TSPEAR: variants seen among roughly 807,000 people sequenced by gnomAD.
TSPEAR encodes the protein thrombospondin type laminin G domain and EAR repeats, also known as thrombospondin-type laminin G domain and EAR repeat-containing protein.
A neutral mutation model predicts 71.6 loss-of-function variants in TSPEAR; 69 were observed. That is an observed-to-expected ratio of 0.96 (90% CI 0.79 to 1.18). The LOEUF is 1.18. TSPEAR is among the 50% of genes most tolerant of loss of function. The probability of loss-of-function intolerance (pLI) is 0.00; values close to 1 mark genes in which losing one functional copy is unlikely to be tolerated. For missense variants in TSPEAR, 971 were observed against 894.9 expected (o/e 1.09, Z -1.09); for synonymous variants, 402 against 387.2 (o/e 1.04, Z -0.45).
chr21:44,589,167 T>C (rs1397094327), intron 1 of TSPEAR, among the ~76,000 whole-genome samples: 1 of 152,056 alleles, frequency 6.6e-6, no homozygotes, highest in African/African-American at 2.4e-5. Flanking sequence ...AAAATAAAAA[T>C]AAAAAATAAA....
chr21:44,531,481 G>C (rs1409068793), intron 3 of TSPEAR, among the ~76,000 whole-genome samples: 1 of 152,150 alleles, frequency 6.6e-6, no homozygotes, highest in Non-Finnish European at 1.5e-5. Context: ...AGCAGGGCCC[G>C]CCTCACTCCA....
intron 10 of TSPEAR, among the ~76,000 whole-genome samples, chr21:44,505,228 G>A (rs914174813): frequency 4.6e-5 from 7 of 151,914 alleles, no homozygotes; most frequent in South Asian, 2.1e-4. Flanking sequence ...ACAAGTGTGC[G>A]GCACCACGCC....
In TSPEAR at chr21:44,508,846, C is replaced by T. The variant is rs1291501246; in HGVS notation, c.1754+353G>A. Reference sequence around the variant, plus strand: ...GCGGGCACTCGAAGCCTGCACCTCGCACCTGTCCCTCTGGGGCCTCGGCTA... The same window carrying T: ...GCGGGCACTCGAAGCCTGCACCTCGTACCTGTCCCTCTGGGGCCTCGGCTA... On this transcript the variant is annotated intron_variant, in intron 10 of 11. Coordinates refer to ENST00000323084, the MANE Select transcript of TSPEAR (RefSeq NM_144991.3). 1.6e-5 allele frequency: 22 copies of T among 1,399,546 alleles called. No homozygotes were observed. In the African/African-American group the frequency reaches 1.9e-4, roughly 12 times the overall value. 86.7% of individuals were successfully genotyped at this position (1,399,546 alleles called of 1,614,324 possible). A position where few individuals can be genotyped will look rare whatever the true frequency, so the allele number is the denominator to read the frequency against.
At position 44,519,166 on chromosome 21, in the gene TSPEAR, T is replaced by C. The variant is rs150062512; in HGVS notation, c.1566+2717A>G. Reference sequence around the variant, plus strand: ...GCCTCAGCCTCCCGAGTAGCTGGGATTACAGGTACCCGCCACCATGCCAGG... The same window carrying C: ...GCCTCAGCCTCCCGAGTAGCTGGGACTACAGGTACCCGCCACCATGCCAGG... On this transcript the variant is annotated intron_variant, in intron 9 of 11. Coordinates refer to ENST00000323084, the MANE Select transcript of TSPEAR (RefSeq NM_144991.3). 114 of 153,112 alleles carry C rather than the reference T, an allele frequency of 7.4e-4. 2 individuals carry two copies. The East Asian group carries it at 0.014, about 19-fold the overall frequency. 9.5% of individuals were successfully genotyped at this position (153,112 alleles called of 1,614,324 possible).
intron 1 of TSPEAR, among the ~76,000 whole-genome samples, chr21:44,692,563 G>T (rs571679687): frequency 6.6e-6 from 1 of 152,142 alleles, no homozygotes; most frequent in African/African-American, 2.4e-5. Flanking sequence ...CTATACACCA[G>T]CAATGAAAAA....
intron 2 of TSPEAR, among the ~76,000 whole-genome samples, chr21:44,537,614 T>TA (rs1365629195): frequency 3.9e-5 from 6 of 152,346 alleles, no homozygotes; most frequent in African/African-American, 1.4e-4. Flanking sequence ...GAAAGATTAA[T>TA]ACGTCATACC....
intron 11 of TSPEAR, among the ~76,000 whole-genome samples, chr21:44,503,324 C>G (rs1222117955): frequency 4.5e-5 from 6 of 133,600 alleles, no homozygotes; most frequent in East Asian, 2.4e-4. Flanking sequence ...GGAGGCCGGC[C>G]TTGGTGAGCC....
intron 2 of TSPEAR, chr21:44,557,863 G>T (rs782287899): frequency 2.1e-5 from 15 of 700,252 alleles, no homozygotes; most frequent in Non-Finnish European, 3.3e-5. Context: ...ACCACCGGCT[G>T]GCCAGCATGG....
At chr21:44,548,180 T>C (rs2053332010) in intron 2 of TSPEAR, among the ~76,000 whole-genome samples, 1 of 152,166 alleles carries the variant, frequency 6.6e-6, no homozygotes, top group African/African-American at 2.4e-5. Context: ...ACCAGATGGG[T>C]AGAAACAGAC....
chr21:44,706,255 G>C (rs1192731920), intron 1 of TSPEAR, among the ~76,000 whole-genome samples: 3 of 152,212 alleles, frequency 2.0e-5, no homozygotes, highest in Non-Finnish European at 4.4e-5. Flanking sequence ...CAAAACCAAG[G>C]AAGGGTGGCT....
chr21:44,628,455 G>T (rs587762717), intron 1 of TSPEAR, among the ~76,000 whole-genome samples: 195 of 152,018 alleles, frequency 1.3e-3, no homozygotes, highest in African/African-American at 4.3e-3. Flanking sequence ...GGGGGGCTGG[G>T]CCCCGTGGAT....
chr21:44,607,216 A>T (rs1355200805), intron 1 of TSPEAR, among the ~76,000 whole-genome samples: 1 of 152,152 alleles, frequency 6.6e-6, no homozygotes, highest in Non-Finnish European at 1.5e-5. Flanking sequence ...AGTAGCTGGG[A>T]CTACAGGTGC....
chr21:44,708,597 G>T (rs1555952974), intron 1 of TSPEAR, among the ~76,000 whole-genome samples: 1 of 152,216 alleles, frequency 6.6e-6, no homozygotes, highest in Non-Finnish European at 1.5e-5. Context: ...TATTTCCTCA[G>T]TGCCTTCTCC....
chr21:44,504,446 C>CTCGGGGG (rs2052145989), intron 11 of TSPEAR, among the ~76,000 whole-genome samples: 1 of 143,288 alleles, frequency 7.0e-6, no homozygotes, highest in African/African-American at 2.7e-5. Flanking sequence ...TCAGTGAGCC[C>CTCGGGGG]ACAGTGGGGA....
chr21:44,651,512 T>A (rs950924833), intron 1 of TSPEAR, among the ~76,000 whole-genome samples: 6 of 152,098 alleles, frequency 3.9e-5, no homozygotes, highest in Non-Finnish European at 5.9e-5. Flanking sequence ...GAATCTTTCC[T>A]CATCTCTTTC....
intron 1 of TSPEAR, among the ~76,000 whole-genome samples, chr21:44,606,488 A>T (rs1981323509): frequency 6.6e-6 from 1 of 152,204 alleles, no homozygotes; most frequent in African/African-American, 2.4e-5. Flanking sequence ...CTAAAAATAG[A>T]ACTTGCCTAT....
At chr21:44,511,762 C>CG (rs1336576222) in intron 9 of TSPEAR, among the ~76,000 whole-genome samples, 5 of 152,234 alleles carry the variant, frequency 3.3e-5, no homozygotes, top group Non-Finnish European at 2.9e-5. Flanking sequence ...GATGGACTGC[C>CG]GGGGCCAGAA....
chr21:44,685,393 G>A (rs2146303345), intron 1 of TSPEAR, among the ~76,000 whole-genome samples: 1 of 152,080 alleles, frequency 6.6e-6, no homozygotes, highest in Admixed American at 6.5e-5. Flanking sequence ...AAGTTCAGGG[G>A]CATCCTGGAA....
chr21:44,579,695 G>A (rs1358277115), intron 1 of TSPEAR: 9 of 1,556,236 alleles, frequency 5.8e-6, no homozygotes, highest in African/African-American at 2.7e-5. Context: ...CTCCTAACCC[G>A]AGTCAGGACC....
Sources: gnomAD v4.1 joint callset for allele counts (sites outside exome capture counted in the v4.1 genomes callset) on GRCh38, gnomAD v4.1.1 for gene constraint, MANE v1.5 for transcripts, NCBI Gene and HGNC (gene_info 2026-07-23, HGNC 2026-07-21) for gene names.